The following KATNAL2 variants were observed in gnomAD, a reference collection of about 807,000 sequenced individuals.
KATNAL2 encodes the protein katanin catalytic subunit A1 like 2, also known as katanin p60 ATPase-containing subunit A-like 2.
KATNAL2 carries 52 observed loss-of-function variants against 76.3 expected under a neutral mutation model. The observed-to-expected ratio is 0.68, with a 90% CI of 0.55 to 0.86. The LOEUF (loss-of-function observed/expected upper bound fraction) is 0.86, where lower values mean the gene tolerates loss of function less well. Ranked by LOEUF, KATNAL2 falls within the 40% of genes least tolerant of loss-of-function variation. The pLI, the probability that KATNAL2 is intolerant of heterozygous loss-of-function variation, is 0.00. For synonymous variants in KATNAL2, 243 were observed against 244.2 expected (o/e 1.00, Z 0.05); for missense variants, 660 against 668.9 (o/e 0.99, Z 0.15).
intron 15 of KATNAL2, among the ~76,000 whole-genome samples, chr18:47,086,744 C>T (rs1314549090): frequency 6.6e-6 from 1 of 152,220 alleles, no homozygotes; most frequent in Non-Finnish European, 1.5e-5. Flanking sequence ...GTGTGTTTTA[C>T]GGGTAAAACC....
Position 47,100,874 on chromosome 18 carries a change from G to T in KATNAL2, c.1486G>T (p.Asp496Tyr), listed in dbSNP as rs117470982. Residue 496 changes from aspartate to tyrosine, a missense_variant, in exon 18 of 18, where the codon GAC becomes TAC. Transcript: ENST00000683218. ...ALENHQSESS[D>Y]LPRIQLDIVT... ...TTGTGTTCTTATCCTAGAAAGCAGC[G>T]ACTTACCCAGGATCCAGTTGGATAT... is the stretch of plus-strand genomic sequence containing the variant. 2.5e-6 allele frequency: 4 copies of T among 1,614,074 alleles called. No homozygotes were observed. Among genetic ancestry groups the T allele is most frequent in the Non-Finnish European group, 2.5e-6 (3 of 1,180,012 alleles).
At chr18:47,046,938 A>G (rs1254946402) in intron 4 of KATNAL2, among the ~76,000 whole-genome samples, 1 of 151,974 alleles carries the variant, frequency 6.6e-6, no homozygotes, top group Non-Finnish European at 1.5e-5. Context: ...CAACCCAGAC[A>G]TACACTTTTT....
chr18:47,076,821 A>T (rs1430181200), intron 14 of KATNAL2, among the ~76,000 whole-genome samples: 1 of 148,290 alleles, frequency 6.7e-6, no homozygotes, highest in Non-Finnish European at 1.5e-5. Context: ...ATATACACAT[A>T]TATATATAGA....
At chr18:47,047,555 C>A (rs2147066047) in intron 4 of KATNAL2, among the ~76,000 whole-genome samples, 1 of 152,174 alleles carries the variant, frequency 6.6e-6, no homozygotes, top group Non-Finnish European at 1.5e-5. Context: ...ATTAAAAACA[C>A]ACAAGCAATT....
At chr18:47,033,700 C>G in intron 3 of KATNAL2, 1 of 1,614,196 alleles carries the variant, frequency 6.2e-7, no homozygotes, top group Middle Eastern at 1.7e-4. Flanking sequence ...CTGGAGCTGG[C>G]AGGCAGGCCT....
Position 47,035,015 on chromosome 18 carries a change from G to C in KATNAL2, c.52-11442G>C, listed in dbSNP as rs199546236. On this transcript the variant is annotated intron_variant, in intron 3 of 17. Coordinates refer to ENST00000683218, the MANE Select transcript of KATNAL2 (RefSeq NM_001387690.1). ...TCCTCAGGGTCCTGTGGGCCAGGCCGGGTGTTTCGGTCCACGAGCACCAGC... is the reference window on the plus strand; with the variant it reads ...TCCTCAGGGTCCTGTGGGCCAGGCCCGGTGTTTCGGTCCACGAGCACCAGC... 9.4e-5 allele frequency: 152 copies of C among 1,610,766 alleles called. 12 individuals are homozygous for C. The highest frequency in any genetic ancestry group is 4.1e-4 in the South Asian group (37 of 90,958).
rs1260510100 is a variant in KATNAL2 at position 47,034,211 on chromosome 18, G to A, written c.52-12246G>A. 2.5e-6 allele frequency: 4 copies of A among 1,613,760 alleles called. No homozygotes were observed. The African/African-American group carries it at 5.3e-5, about 22-fold the overall frequency. ...GACGTTCTGTCCAAATGAGCAGTCG[G>A]TGGCTTCCCCTCTTGAGTCTCTCGG... On this transcript the variant is annotated intron_variant, in intron 3 of 17. Transcript: ENST00000683218.
chr18:46,924,198 T>G (rs1289092088), intron 1 of KATNAL2, among the ~76,000 whole-genome samples: 1 of 152,260 alleles, frequency 6.6e-6, no homozygotes, highest in Non-Finnish European at 1.5e-5. Flanking sequence ...CTAGGGTTTT[T>G]ATGGTTTTAG....
At chr18:47,076,685 GATA>G (rs1438957974) in intron 14 of KATNAL2, 2 of 151,706 alleles carry the variant, frequency 1.3e-5, no homozygotes, top group South Asian at 4.2e-4. Context: ...TGAAGACTTC[GATA>G]ATATTATGTT....
chr18:46,932,951 CAG>C (rs1439144405), intron 1 of KATNAL2, among the ~76,000 whole-genome samples: 3 of 151,910 alleles, frequency 2.0e-5, no homozygotes, highest in African/African-American at 7.2e-5. Context: ...TTAATAGAGA[CAG>C]GGTTTCACTA....
At chr18:46,927,718 A>G (rs913004417) in intron 1 of KATNAL2, among the ~76,000 whole-genome samples, 2 of 152,142 alleles carry the variant, frequency 1.3e-5, no homozygotes, top group Non-Finnish European at 2.9e-5. Context: ...ATTTTCAGGT[A>G]CACCAATCAG....
chr18:47,045,809 A>G (rs2061139058), intron 3 of KATNAL2, among the ~76,000 whole-genome samples: 1 of 152,208 alleles, frequency 6.6e-6, no homozygotes, highest in African/African-American at 2.4e-5. Context: ...TTGTGAATAC[A>G]TTTTGGGGCA....
chr18:47,058,379 G>T (rs1046872163), intron 7 of KATNAL2, 27 bp downstream of exon 7: 2 of 1,321,208 alleles, frequency 1.5e-6, no homozygotes, highest in African/African-American at 1.5e-5. Context: ...TTGACTTTGT[G>T]AACAGCACAC....
chr18:47,097,056 T>C (rs926720323), intron 15 of KATNAL2, among the ~76,000 whole-genome samples: 1 of 148,910 alleles, frequency 6.7e-6, no homozygotes. Flanking sequence ...GAGGTGTAGG[T>C]TGCAGTGAGC....
intron 1 of KATNAL2, among the ~76,000 whole-genome samples, chr18:46,925,807 T>C (rs571995190): frequency 5.9e-5 from 9 of 152,298 alleles, no homozygotes; most frequent in African/African-American, 2.2e-4. Flanking sequence ...CCTGGTTTAG[T>C]CTTGGGAGGA....
chr18:46,965,914 A>C (rs1599509288), intron 3 of KATNAL2, among the ~76,000 whole-genome samples: 1 of 145,914 alleles, frequency 6.9e-6, no homozygotes, highest in South Asian at 2.2e-4. Context: ...GGTGTCGGCT[A>C]TTGTTTCTGC....
At chr18:47,071,376 G>A (rs191396768) in intron 13 of KATNAL2, among the ~76,000 whole-genome samples, 1 of 152,092 alleles carries the variant, frequency 6.6e-6, no homozygotes, top group Non-Finnish European at 1.5e-5. Flanking sequence ...AACTTAATAT[G>A]CACAGATTTT....
intron 3 of KATNAL2, among the ~76,000 whole-genome samples, chr18:47,031,325 T>G (rs1395891979): frequency 6.6e-6 from 1 of 152,126 alleles, no homozygotes; most frequent in Non-Finnish European, 1.5e-5. Flanking sequence ...CAGATCCATT[T>G]GAAATATGTA....
Position 46,947,315 on chromosome 18 carries a change from T to C in KATNAL2, c.51+392T>C, listed in dbSNP as rs535518088. Among the ~76,000 whole-genome samples the C allele has an allele frequency of 3.2e-4, 49 of 152,328 alleles. No homozygotes were observed. The East Asian group carries it at 7.7e-3, about 24-fold the overall frequency. On this transcript the variant is annotated intron_variant, in intron 3 of 17. Coordinates refer to ENST00000683218, the MANE Select transcript of KATNAL2 (RefSeq NM_001387690.1). Reference sequence around the variant, plus strand: ...ATTGACCTGGGAGTTAGTTAGAATATTGGCTTCTGATCCTGATTTGCCATC... The same window carrying C: ...ATTGACCTGGGAGTTAGTTAGAATACTGGCTTCTGATCCTGATTTGCCATC...
Sources: allele counts gnomAD v4.1 joint callset (sites outside exome capture counted in the v4.1 genomes callset), GRCh38; gene constraint gnomAD v4.1.1; transcripts MANE v1.5; gene names NCBI Gene and HGNC (gene_info 2026-07-23, HGNC 2026-07-21).